Variants in SLC37A3 observed in about 807,000 individuals in gnomAD.
SLC37A3 encodes sugar phosphate exchanger 3.
A neutral mutation model predicts 67.1 loss-of-function variants in SLC37A3; 51 were observed. The observed-to-expected ratio is 0.76, with a 90% CI of 0.61 to 0.96. The LOEUF (loss-of-function observed/expected upper bound fraction) is 0.96. SLC37A3 is among the 40% of genes least tolerant of loss of function. The pLI, the probability that SLC37A3 is intolerant of heterozygous loss-of-function variation, is 0.00. For synonymous variants in SLC37A3, 214 were observed against 231.4 expected (o/e 0.92, Z 0.68); for missense variants, 508 against 603.0 (o/e 0.84, Z 1.65).
chr7:140,335,666 G>A (rs1177407898), intron 14 of SLC37A3, among the ~76,000 whole-genome samples, 162 bp from the exon 15 acceptor site: 1 of 152,076 alleles, frequency 6.6e-6, no homozygotes, highest in Non-Finnish European at 1.5e-5. Context: ...TGAAAATTAT[G>A]GCTAATATTA....
intron 3 of SLC37A3, among the ~76,000 whole-genome samples, chr7:140,372,285 T>C (rs745922161): frequency 6.6e-6 from 1 of 152,196 alleles, no homozygotes; most frequent in Non-Finnish European, 1.5e-5. Flanking sequence ...GGATGGGAGA[T>C]GGACCAGATC....
chr7:140,368,532 A>T (rs1311183830), intron 4 of SLC37A3, among the ~76,000 whole-genome samples: 2 of 151,968 alleles, frequency 1.3e-5, no homozygotes, highest in African/African-American at 2.4e-5. Flanking sequence ...GTGCCATTGC[A>T]CTCCAGCCTG....
In SLC37A3 at chr7:140,369,682, T is replaced by G. The variant is rs760705197; in HGVS notation, c.199A>C (p.Ile67Leu). ...GGGAACAAATGGTTGCTGCTCCAGA[T>G]CTACAGTAAGACAGCAGGAACAGGT... is the stretch of plus-strand genomic sequence containing the variant. Reference protein sequence around the residue: ...FNTSVELPVEIWSSNHLFPSA... With the variant: ...FNTSVELPVELWSSNHLFPSA... Residue 67 changes from isoleucine (I) to leucine (L), a missense_variant and splice_region_variant, in exon 4 of 15, where the codon ATC becomes CTC. Transcript: ENST00000326232. The G allele has an allele frequency of 6.2e-7, 1 of 1,613,602 alleles. No homozygotes were observed. Among genetic ancestry groups the G allele is most frequent in the South Asian group, 1.1e-5 (1 of 91,036 alleles).
intron 13 of SLC37A3, among the ~76,000 whole-genome samples, chr7:140,339,140 T>C (rs6970878): frequency 6.6e-6 from 1 of 152,192 alleles, no homozygotes; most frequent in Non-Finnish European, 1.5e-5. Context: ...TATTCCCTGG[T>C]ATGGATATAC....
intron 6 of SLC37A3, among the ~76,000 whole-genome samples, 166 bp from the exon 7 acceptor site, chr7:140,355,930 C>T (rs1797008274): frequency 6.6e-6 from 1 of 152,172 alleles, no homozygotes; most frequent in Non-Finnish European, 1.5e-5. Flanking sequence ...CGCAGTGGCT[C>T]ACACCTGTAA....
intron 9 of SLC37A3, among the ~76,000 whole-genome samples, chr7:140,349,313 T>C (rs1030790551): frequency 2.6e-5 from 4 of 152,192 alleles, no homozygotes; most frequent in African/African-American, 9.7e-5. Flanking sequence ...AGCATGATAA[T>C]TCCTTTCACA....
At chr7:140,339,746 T>C (rs927145042) in intron 13 of SLC37A3, among the ~76,000 whole-genome samples, 1 of 151,612 alleles carries the variant, frequency 6.6e-6, no homozygotes, top group African/African-American at 2.4e-5. Context: ...CCTGTTTGTT[T>C]TTTTTTTTGA....
chr7:140,337,205 C>T, intron 14 of SLC37A3, 79 bp downstream of exon 14: 1 of 1,130,532 alleles, frequency 8.8e-7, no homozygotes, highest in Non-Finnish European at 1.2e-6. Flanking sequence ...AACAGTTTTG[C>T]TGAAGTGACT....
At chr7:140,371,184 A>G (rs372068419) in intron 3 of SLC37A3, among the ~76,000 whole-genome samples, 7 of 151,968 alleles carry the variant, frequency 4.6e-5, no homozygotes, top group Non-Finnish European at 8.8e-5. Flanking sequence ...TTATTTATTT[A>G]TTTATTTTTG....
At position 140,382,600 on chromosome 7, in the gene SLC37A3, G is replaced by C. The variant is rs34686944; in HGVS notation, c.-70-4C>G. The C allele has an allele frequency of 9.5e-3, 12,712 of 1,331,860 alleles. 71 individuals are homozygous for C. Among genetic ancestry groups the C allele is most frequent in the Middle Eastern group, 0.017 (94 of 5,460 alleles). The allele number at this position is 1,331,860 out of a possible 1,614,324, so 82.5% of individuals were successfully genotyped here. A position where few individuals can be genotyped will look rare whatever the true frequency, so the allele number is the denominator to read the frequency against. On this transcript the variant is annotated splice_region_variant and splice_polypyrimidine_tract_variant and intron_variant, in intron 1 of 14. Coordinates refer to ENST00000326232, the MANE Select transcript of SLC37A3 (RefSeq NM_207113.3). ...TGATTTACATCATTTCTTCCTTCTG[G>C]AAAGACAAAACACATTATGGACATT...
chr7:140,364,460 C>T lies in SLC37A3; in HGVS notation c.323G>A (p.Arg108Gln), dbSNP rs1405695837. The T allele has an allele frequency of 8.7e-6, 14 of 1,613,820 alleles. 1 individual carries two copies. The Middle Eastern group carries it at 8.2e-4, about 95-fold the overall frequency. Residue 108 changes from arginine (R) to glutamine (Q), a missense_variant, in exon 5 of 15, where the codon CGG (arginine) becomes CAG (glutamine). By Grantham distance (43) the Arg-to-Gln change is conservative (BLOSUM62 1). Coordinates refer to ENST00000326232, the MANE Select transcript of SLC37A3 (RefSeq NM_207113.3). ...AGACAGAACCCATCGCAAATTCAACCGATCCCCAACGATGCCACTGATGAA... is the reference window on the plus strand; with the variant it reads ...AGACAGAACCCATCGCAAATTCAACTGATCCCCAACGATGCCACTGATGAA... ...GLFISGIVGD[R>Q]LNLRWVLSFG...
At chr7:140,347,354 T>C (rs796850174) in intron 10 of SLC37A3, among the ~76,000 whole-genome samples, 2 of 151,854 alleles carry the variant, frequency 1.3e-5, no homozygotes, top group South Asian at 4.1e-4. Context: ...AGCAGGGATA[T>C]GAATCTTTCA....
At chr7:140,393,368 G>A (rs1189139037) in intron 1 of SLC37A3, among the ~76,000 whole-genome samples, 1 of 152,198 alleles carries the variant, frequency 6.6e-6, no homozygotes, top group Non-Finnish European at 1.5e-5. Context: ...GGAATCTTTA[G>A]ATATTTAACC....
intron 1 of SLC37A3, among the ~76,000 whole-genome samples, chr7:140,384,624 CAGG>C (rs1798380392): frequency 6.6e-6 from 1 of 151,912 alleles, no homozygotes; most frequent in Admixed American, 6.6e-5. Context: ...GAGGCTAAGG[CAGG>C]AGGATTGCTT....
At chr7:140,360,126 C>T (rs1797207575) in intron 5 of SLC37A3, among the ~76,000 whole-genome samples, 1 of 152,156 alleles carries the variant, frequency 6.6e-6, no homozygotes, top group South Asian at 2.1e-4. Context: ...GAGGGAGGAT[C>T]ACTTAAGGCC....
At chr7:140,342,327 C>T (rs1796390389) in intron 13 of SLC37A3, among the ~76,000 whole-genome samples, 1 of 152,172 alleles carries the variant, frequency 6.6e-6, no homozygotes, top group African/African-American at 2.4e-5. Flanking sequence ...GATGTCAAAA[C>T]TAAGAGCCTA....
chr7:140,348,165 G>T (rs1408887281), intron 10 of SLC37A3, among the ~76,000 whole-genome samples: 1 of 152,180 alleles, frequency 6.6e-6, no homozygotes, highest in East Asian at 1.9e-4. Flanking sequence ...ATAAGTGGGG[G>T]ACTGGTGTAT....
chr7:140,357,317 G>A (rs1156778666), intron 6 of SLC37A3, among the ~76,000 whole-genome samples: 1 of 152,138 alleles, frequency 6.6e-6, no homozygotes, highest in African/African-American at 2.4e-5. Flanking sequence ...TCCACACAAG[G>A]ATTTGTACAC....
At chr7:140,337,160 T>C (rs910366423) in intron 14 of SLC37A3, 124 bp downstream of exon 14, 2 of 535,578 alleles carry the variant, frequency 3.7e-6, no homozygotes, top group Non-Finnish European at 3.1e-6. Context: ...ACTAATAAAA[T>C]GTTACTTTTC....
Sources: gnomAD v4.1 joint callset for allele counts (sites outside exome capture counted in the v4.1 genomes callset) on GRCh38, gnomAD v4.1.1 for gene constraint, MANE v1.5 for transcripts, NCBI Gene and HGNC (gene_info 2026-07-23, HGNC 2026-07-21) for gene names.